ATP1A2: variants seen among roughly 807,000 people sequenced by gnomAD.
ATP1A2 encodes ATPase Na+/K+ transporting subunit alpha 2.
ATP1A2 carries 56 observed loss-of-function variants against 113.1 expected under a neutral mutation model. The ratio of observed to expected loss-of-function variants is 0.49; its 90% CI spans 0.40 to 0.62. The LOEUF is 0.62. Ranked by LOEUF, ATP1A2 falls within the 20% of genes least tolerant of loss-of-function variation. The probability of loss-of-function intolerance (pLI) is 0.00; values close to 1 mark genes in which losing one functional copy is unlikely to be tolerated. For missense variants in ATP1A2, 712 were observed against 1,357.8 expected (o/e 0.52, Z 7.47); for synonymous variants, 490 against 526.8 (o/e 0.93, Z 0.96).
chr1:160,141,478 T>G lies in ATP1A2; in HGVS notation c.*156T>G. The G allele has an allele frequency of 1.1e-6, 1 of 917,052 alleles. No homozygotes were observed. The allele number at this position is 917,052 out of a possible 1,614,324, so 56.8% of individuals were successfully genotyped here. On this transcript the variant is annotated 3_prime_UTR_variant, in exon 23 of 23. Transcript: ENST00000361216. ...TCAGCAGGCTAAGTTGCGGGGTATA[T>G]AAATTGGGGTGATGACCCCATAGAC... is the stretch of plus-strand genomic sequence containing the variant.
In ATP1A2 at chr1:160,140,001, TCCCC is replaced by T. The variant is rs756974313; in HGVS notation, c.3034+20_3034+23del. The T allele has an allele frequency of 1.1e-5, 18 of 1,610,296 alleles. No homozygotes were observed. Among genetic ancestry groups the T allele is most frequent in the African/African-American group, 2.7e-5 (2 of 74,370 alleles). On this transcript the variant is annotated intron_variant, in intron 22 of 22. Coordinates refer to ENST00000361216, the MANE Select transcript of ATP1A2 (RefSeq NM_000702.4). ...ATCCTGGTGGTAAGCCCCTCCACAT[TCCCC>T]CCAGCAAAGTGCAAGCCCCACCACC...
chr1:160,128,929 T>C, intron 9 of ATP1A2, 51 bp from the exon 10 acceptor site: 1 of 1,596,242 alleles, frequency 6.3e-7, no homozygotes, highest in Non-Finnish European at 8.5e-7. Context: ...GTGGTTGAGA[T>C]AAAGGCTCTA....
intron 8 of ATP1A2, 51 bp downstream of exon 8, chr1:160,127,871 C>T: frequency 6.5e-7 from 1 of 1,538,470 alleles, no homozygotes; most frequent in Non-Finnish European, 8.7e-7. Flanking sequence ...ACTACTCTTT[C>T]CTCAGAGTGA....
intron 3 of ATP1A2, 38 bp downstream of exon 3, chr1:160,121,289 C>T (rs766481497): frequency 6.2e-7 from 1 of 1,607,768 alleles, no homozygotes; most frequent in East Asian, 2.2e-5. Flanking sequence ...ACAAAAGAGG[C>T]AAGAAAACCA....
At chr1:160,134,052 C>T (rs1300773180) in intron 13 of ATP1A2, among the ~76,000 whole-genome samples, 1 of 151,060 alleles carries the variant, frequency 6.6e-6, no homozygotes, top group Non-Finnish European at 1.5e-5. Flanking sequence ...CACACACACA[C>T]ATAGACACAC....
In ATP1A2 at chr1:160,125,113, A is replaced by G. The variant is rs766725886; in HGVS notation, c.631-23A>G. The G allele has an allele frequency of 3.1e-6, 5 of 1,602,808 alleles. No individual in the cohort carries two copies. The East Asian group carries it at 1.1e-4, about 36-fold the overall frequency. On this transcript the variant is annotated intron_variant, in intron 6 of 22. Coordinates refer to ENST00000361216, the MANE Select transcript of ATP1A2 (RefSeq NM_000702.4). ...TACAAGTGGCTCTGCCAGTCTGATGACTATGCACTCCTTCCTCCTCAGGTG... is the reference window on the plus strand; with the variant it reads ...TACAAGTGGCTCTGCCAGTCTGATGGCTATGCACTCCTTCCTCCTCAGGTG...
chr1:160,138,338 C>G (rs903230901), intron 20 of ATP1A2, among the ~76,000 whole-genome samples: 1 of 152,220 alleles, frequency 6.6e-6, no homozygotes, highest in East Asian at 1.9e-4. Flanking sequence ...ACGTGGTGAT[C>G]GGATGCTGAT....
intron 10 of ATP1A2, 36 bp from the exon 11 acceptor site, chr1:160,129,230 C>T (rs772571357): frequency 1.2e-6 from 2 of 1,614,102 alleles, no homozygotes. Flanking sequence ...TCCCTTCCCT[C>T]CCATGCTGAC....
chr1:160,125,112 G>C (rs1651543790), intron 6 of ATP1A2, 24 bp from the exon 7 acceptor site: 4 of 1,602,478 alleles, frequency 2.5e-6, no homozygotes, highest in Non-Finnish European at 3.4e-6. Flanking sequence ...CCAGTCTGAT[G>C]ACTATGCACT....
Position 160,127,637 on chromosome 1 carries a change from G to A in ATP1A2, c.834G>A (p.Gly278=). The A allele has an allele frequency of 6.2e-7, 1 of 1,614,242 alleles. No individual in the cohort carries two copies. The highest frequency in any genetic ancestry group is 1.3e-5 in the African/African-American group (1 of 75,060). Residue 278 remains glycine, a synonymous_variant, in exon 8 of 23, where the codon GGG becomes GGA. Transcript: ENST00000361216. ...CTCTCGCCTCAGGCCTGGAGGTTGG[G>A]CGGACACCCATAGCAATGGAGATTG... ...IATLASGLEV[G]RTPIAMEIEH... is the part of the protein sequence containing the mutation.
rs1306940796 is a variant in ATP1A2, at chr1:160,141,966, G to A, written c.*644G>A. On this transcript the variant is annotated 3_prime_UTR_variant, in exon 23 of 23. Coordinates refer to ENST00000361216, the MANE Select transcript of ATP1A2 (RefSeq NM_000702.4). ...GAAACAACAAAGGAAGTGAGGTAGT[G>A]CCAATGACAGGACATTTGACATGAG... 6.3e-6 allele frequency: 1 copy of A among 158,536 alleles called. No individual in the cohort carries two copies. Among genetic ancestry groups the A allele is most frequent in the Admixed American group, 5.9e-5 (1 of 16,852 alleles). The allele number at this position is 158,536 out of a possible 1,614,324, so 9.8% of individuals were successfully genotyped here.
chr1:160,137,709 T>G (rs77654650), intron 20 of ATP1A2, among the ~76,000 whole-genome samples: 18,755 of 152,122 alleles, frequency 0.12, 1,262 homozygotes, highest in Non-Finnish European at 0.13. Flanking sequence ...TGTGATTCTA[T>G]TATGGGTGGT....
intron 13 of ATP1A2, among the ~76,000 whole-genome samples, chr1:160,131,179 T>G (rs1210833382): frequency 6.6e-6 from 1 of 152,208 alleles, no homozygotes; most frequent in East Asian, 1.9e-4. Context: ...TGATACATAG[T>G]AAACAATTTG....
In ATP1A2 at chr1:160,121,232, A is replaced by G. The variant is rs1651387702; in HGVS notation, c.158A>G (p.Tyr53Cys). Residue 53 changes from tyrosine to cysteine, a missense_variant, in exon 3 of 23, where the codon TAC (tyrosine) becomes TGC (cysteine). Physicochemically the swap from Tyr to Cys is radical, Grantham distance 194. This residue lies in a region of ATP1A2 where 109 missense variants were observed against 162.3 expected (regional missense o/e 0.67). Coordinates refer to ENST00000361216, the MANE Select transcript of ATP1A2 (RefSeq NM_000702.4). ...TCCTTGGATGAGCTGGGCCGCAAAT[A>G]CCAAGTGGACCTGTCCAAGGTGAGT... ...KLSLDELGRKYQVDLSKGLTN... is the reference protein window; with the variant it reads ...KLSLDELGRKCQVDLSKGLTN... The G allele has an allele frequency of 1.2e-6, 2 of 1,614,100 alleles. No individual in the cohort carries two copies. The highest frequency in any genetic ancestry group is 1.7e-6 in the Non-Finnish European group (2 of 1,180,050).
chr1:160,130,061 A>C, intron 11 of ATP1A2, 41 bp from the exon 12 acceptor site: 1 of 1,613,442 alleles, frequency 6.2e-7, no homozygotes, highest in Non-Finnish European at 8.5e-7. Context: ...CGCTACCAAG[A>C]CAAGTATGGC....
chr1:160,121,856 G>C (rs542164535), intron 3 of ATP1A2, among the ~76,000 whole-genome samples: 1 of 152,300 alleles, frequency 6.6e-6, no homozygotes, highest in Admixed American at 6.5e-5. Flanking sequence ...AAAATGCTGG[G>C]TGTGGTGGCT....
intron 20 of ATP1A2, among the ~76,000 whole-genome samples, chr1:160,138,371 T>G (rs1358110375): frequency 6.6e-6 from 1 of 152,272 alleles, no homozygotes; most frequent in Non-Finnish European, 1.5e-5. Context: ...CTGGAAGCCA[T>G]GGATAGTTCT....
At chr1:160,121,776 A>G (rs1390304308) in intron 3 of ATP1A2, among the ~76,000 whole-genome samples, 1 of 152,280 alleles carries the variant, frequency 6.6e-6, no homozygotes, top group Non-Finnish European at 1.5e-5. Context: ...CCAAGGTCAC[A>G]TGAACAGTAA....
chr1:160,135,695 A>G lies in ATP1A2; in HGVS notation c.2284+93A>G. 6.2e-7 allele frequency: 1 copy of G among 1,610,748 alleles called. No individual in the cohort carries two copies. Reference sequence around the variant, plus strand: ...TTTACCCCAGTTGAAGAATCATTCCACAACTCTAGGCAGCCCAGCCCACTT... The same window carrying G: ...TTTACCCCAGTTGAAGAATCATTCCGCAACTCTAGGCAGCCCAGCCCACTT... On this transcript the variant is annotated intron_variant, in intron 16 of 22. Transcript: ENST00000361216. This position sits in a 1 kb window ranked among gnomAD's most constrained non-coding sequence, Gnocchi z 6.3.
Sources: allele counts gnomAD v4.1 joint callset (sites outside exome capture counted in the v4.1 genomes callset), GRCh38; gene constraint gnomAD v4.1.1; regional missense constraint gnomAD v4.1.1; non-coding constraint Gnocchi (gnomAD v3.1); transcripts MANE v1.5; gene names NCBI Gene and HGNC (gene_info 2026-07-23, HGNC 2026-07-21).